Variants in RGS8 observed in about 807,000 individuals in gnomAD.
RGS8 encodes the protein regulator of G protein signaling 8, also known as regulator of G-protein signaling 8.
A neutral mutation model predicts 21.7 loss-of-function variants in RGS8; 8 were observed. The observed-to-expected ratio is 0.37, with a 90% CI of 0.22 to 0.66. The LOEUF (loss-of-function observed/expected upper bound fraction) is 0.66. Among genes scored for constraint, RGS8 ranks in the 30% least tolerant of loss-of-function variants. The pLI, the probability that RGS8 is intolerant of heterozygous loss-of-function variation, is 0.59. For missense variants in RGS8, 157 were observed against 217.9 expected, an observed-to-expected ratio of 0.72 and a Z score of 1.76; for synonymous variants, 80 against 83.6, an observed-to-expected ratio of 0.96 and a Z score of 0.24.
chr1:182,727,423 A>T, the RGS8 span, among the ~76,000 whole-genome samples: 11 of 152,134 alleles, frequency 7.2e-5, no homozygotes, highest in Admixed American at 1.3e-4. Flanking sequence ...ATTTATGATG[A>T]ATTTTGTTTT....
chr1:182,743,284 A>C, the RGS8 span, among the ~76,000 whole-genome samples: 1 of 152,346 alleles, frequency 6.6e-6, no homozygotes, highest in East Asian at 1.9e-4. Context: ...GTACTGACTT[A>C]GGATTTGAGG....
At chr1:182,713,191 T>G in the RGS8 span, among the ~76,000 whole-genome samples, 2 of 152,208 alleles carry the variant, frequency 1.3e-5, no homozygotes, top group African/African-American at 4.8e-5. Context: ...TCTTCTTTTT[T>G]CTTTTTCTTT....
upstream of RGS8, chr1:182,672,074 C>A: frequency 3.1e-6 from 1 of 326,470 alleles, no homozygotes; most frequent in Non-Finnish European, 5.4e-6. Flanking sequence ...GAGAAGTCCC[C>A]ACAGCCCACA....
the RGS8 span, among the ~76,000 whole-genome samples, chr1:182,716,479 T>A: frequency 1.3e-5 from 2 of 151,940 alleles, no homozygotes; most frequent in Non-Finnish European, 2.9e-5. Flanking sequence ...TTATTGTTTT[T>A]TTTTTCTGAA....
chr1:182,667,525 T>C (rs1024448990), intron 3 of RGS8, among the ~76,000 whole-genome samples: 20 of 152,136 alleles, frequency 1.3e-4, no homozygotes, highest in African/African-American at 4.8e-4. Context: ...AGTCAACCCA[T>C]AGGATTGATG....
the RGS8 span, among the ~76,000 whole-genome samples, chr1:182,726,323 G>A: frequency 1.3e-5 from 2 of 152,108 alleles, no homozygotes; most frequent in Non-Finnish European, 2.9e-5. Context: ...TCCTCTAGGA[G>A]TAGAGATAGG....
chr1:182,695,327 AC>A, the RGS8 span, among the ~76,000 whole-genome samples: 1 of 152,220 alleles, frequency 6.6e-6, no homozygotes, highest in Non-Finnish European at 1.5e-5. Flanking sequence ...AAAAATGGAC[AC>A]GTAATAAATA....
the RGS8 span, among the ~76,000 whole-genome samples, chr1:182,710,149 G>A: frequency 6.6e-6 from 1 of 152,174 alleles, no homozygotes; most frequent in African/African-American, 2.4e-5. Flanking sequence ...GGCCCAAAAT[G>A]AGGAAGGCCT....
the RGS8 span, among the ~76,000 whole-genome samples, chr1:182,695,545 C>A: frequency 3.9e-5 from 6 of 152,118 alleles, no homozygotes; most frequent in Admixed American, 6.5e-5. Flanking sequence ...TGGATTCGAA[C>A]CCCTGGGCTC....
At chr1:182,725,400 G>C in the RGS8 span, among the ~76,000 whole-genome samples, 1 of 152,316 alleles carries the variant, frequency 6.6e-6, no homozygotes, top group East Asian at 1.9e-4. Context: ...CAGACTGGAT[G>C]TGTCTTAATG....
At chr1:182,694,953 A>G in the RGS8 span, among the ~76,000 whole-genome samples, 5 of 152,204 alleles carry the variant, frequency 3.3e-5, no homozygotes, top group African/African-American at 9.6e-5. Flanking sequence ...GCACCCACAT[A>G]TAGGTACACA....
chr1:182,678,883 T>C (rs1664453687), intron 1 of RGS8, among the ~76,000 whole-genome samples: 1 of 152,056 alleles, frequency 6.6e-6, no homozygotes, highest in African/African-American at 2.4e-5. Context: ...CACAACCTGA[T>C]CTCCTGTCCC....
At chr1:182,651,123 C>G (rs916785351) in intron 5 of RGS8, among the ~76,000 whole-genome samples, 2 of 152,254 alleles carry the variant, frequency 1.3e-5, no homozygotes, top group Admixed American at 6.5e-5. Flanking sequence ...AACTGAAAAT[C>G]AAAATGAAAC....
the RGS8 span, among the ~76,000 whole-genome samples, chr1:182,693,212 G>T: frequency 1.3e-5 from 2 of 152,128 alleles, no homozygotes; most frequent in Non-Finnish European, 2.9e-5. Flanking sequence ...GAAAATATTT[G>T]CAAACTATGC....
chr1:182,706,232 G>A, the RGS8 span, among the ~76,000 whole-genome samples: 21 of 151,858 alleles, frequency 1.4e-4, no homozygotes, highest in African/African-American at 4.1e-4. Context: ...TGATCTGTCT[G>A]CTCACTTCAG....
chr1:182,719,891 T>G, the RGS8 span, among the ~76,000 whole-genome samples: 2 of 152,204 alleles, frequency 1.3e-5, no homozygotes, highest in Non-Finnish European at 2.9e-5. Context: ...ATTATCATTT[T>G]TTTCCTCCAA....
At chr1:182,742,441 T>A in the RGS8 span, among the ~76,000 whole-genome samples, 2 of 152,104 alleles carry the variant, frequency 1.3e-5, no homozygotes, top group Middle Eastern at 3.2e-3. Flanking sequence ...CACTCCAGCC[T>A]GGGCACCATT....
At chr1:182,737,199 CTCTTA>C in the RGS8 span, among the ~76,000 whole-genome samples, 5 of 151,816 alleles carry the variant, frequency 3.3e-5, no homozygotes, top group African/African-American at 1.2e-4. Flanking sequence ...CTCTGCCTCT[CTCTTA>C]TAAGAACACT....
intron 5 of RGS8, among the ~76,000 whole-genome samples, chr1:182,651,445 T>C (rs916111765): frequency 6.6e-6 from 1 of 152,236 alleles, no homozygotes; most frequent in Non-Finnish European, 1.5e-5. Context: ...GTTAGATTAT[T>C]TGGCCCAGCA....
Sources: allele counts gnomAD v4.1 joint callset (sites outside exome capture counted in the v4.1 genomes callset), GRCh38; gene constraint gnomAD v4.1.1; transcripts MANE v1.5; gene names NCBI Gene and HGNC (gene_info 2026-07-23, HGNC 2026-07-21).